Variants in GPHN observed in about 807,000 individuals in gnomAD.
GPHN encodes gephyrin.
A neutral mutation model predicts 95.5 loss-of-function variants in GPHN; 17 were observed. The ratio of observed to expected loss-of-function variants is 0.18; its 90% confidence interval spans 0.12 to 0.27. The LOEUF (loss-of-function observed/expected upper bound fraction) is 0.27. Ranked by LOEUF, GPHN falls within the 10% of genes least tolerant of loss-of-function variation. GPHN has a pLI of 1.00. For synonymous variants in GPHN, 320 were observed against 322.5 expected (o/e 0.99, Z 0.08); for missense variants, 660 against 978.1 (o/e 0.67, Z 4.34).
chr14:67,459,730 G>A, the GPHN span, among the ~76,000 whole-genome samples: 4 of 152,178 alleles, frequency 2.6e-5, no homozygotes, highest in Admixed American at 6.5e-5. Flanking sequence ...TCACATAGGC[G>A]CTCAATAAAC....
chr14:67,324,330 T>C, the GPHN span, among the ~76,000 whole-genome samples: 1 of 152,154 alleles, frequency 6.6e-6, no homozygotes, highest in African/African-American at 2.4e-5. Context: ...ACTGATAACA[T>C]GTTATTAATA....
At chr14:66,579,515 G>T (rs1252352580) in intron 1 of GPHN, among the ~76,000 whole-genome samples, 1 of 151,558 alleles carries the variant, frequency 6.6e-6, no homozygotes, top group Non-Finnish European at 1.5e-5. Flanking sequence ...AATGGGAAAA[G>T]ATAGTCTATG....
chr14:66,585,431 C>T (rs2061380383), intron 1 of GPHN, among the ~76,000 whole-genome samples: 2 of 152,138 alleles, frequency 1.3e-5, no homozygotes, highest in Admixed American at 6.5e-5. Context: ...ATTCTGCTAG[C>T]GTTTGAATGT....
the GPHN span, chr14:67,228,372 AT>A: frequency 5.0e-4 from 250 of 500,668 alleles, no homozygotes; most frequent in African/African-American, 5.0e-3. Flanking sequence ...AACACTAAAA[AT>A]ATTCTCTATT....
intron 1 of GPHN, among the ~76,000 whole-genome samples, chr14:66,612,304 T>A (rs968793609): frequency 2.6e-5 from 4 of 151,984 alleles, no homozygotes; most frequent in Admixed American, 1.3e-4. Context: ...TATTTATTTA[T>A]TGCCCTCAAA....
intron 6 of GPHN, among the ~76,000 whole-genome samples, chr14:66,921,407 G>T (rs2066208411): frequency 6.8e-6 from 1 of 147,486 alleles, no homozygotes; most frequent in Non-Finnish European, 1.5e-5. Context: ...TTTGAGAATT[G>T]TCTGTTCATG....
intron 11 of GPHN, among the ~76,000 whole-genome samples, chr14:67,076,479 A>C (rs1378709221): frequency 6.6e-6 from 1 of 152,134 alleles, no homozygotes; most frequent in East Asian, 1.9e-4. Context: ...AATGATGTAG[A>C]GACTCAAATC....
the GPHN span, among the ~76,000 whole-genome samples, chr14:67,439,545 CTTTCTTTCTTTCTTTCTTTCTT>C: frequency 1.4e-3 from 195 of 137,994 alleles, 2 homozygotes; most frequent in South Asian, 3.3e-3. Flanking sequence ...TTCTTTCTTT[CTTTCTTTCTTTCTTTCTTTCTT>C]TCTTTCTTTC....
chr14:67,431,985 A>G, the GPHN span, among the ~76,000 whole-genome samples: 2 of 152,160 alleles, frequency 1.3e-5, no homozygotes, highest in African/African-American at 4.8e-5. Flanking sequence ...CACAGTGATT[A>G]CCCTTAAATT....
intron 12 of GPHN, among the ~76,000 whole-genome samples, chr14:67,091,671 A>G (rs143024934): frequency 0.012 from 1,822 of 151,768 alleles, 19 homozygotes; most frequent in Non-Finnish European, 0.018. Context: ...TTTTTACATG[A>G]GCTAGCAGCA....
chr14:67,464,230 G>GGAT, the GPHN span, among the ~76,000 whole-genome samples: 1 of 152,132 alleles, frequency 6.6e-6, no homozygotes, highest in African/African-American at 2.4e-5. Context: ...TTCCAGTCCC[G>GGAT]CTGACCGCAA....
the GPHN span, among the ~76,000 whole-genome samples, chr14:67,355,176 G>T: frequency 6.6e-6 from 1 of 151,902 alleles, no homozygotes; most frequent in Non-Finnish European, 1.5e-5. Flanking sequence ...AACATGTTTT[G>T]ATATCATCAA....
intron 1 of GPHN, among the ~76,000 whole-genome samples, chr14:66,621,014 G>T: frequency 6.6e-6 from 1 of 152,248 alleles, no homozygotes; most frequent in East Asian, 1.9e-4. Flanking sequence ...GCCCAGGCTG[G>T]AGTGCACTGG....
At chr14:67,115,224 T>G (rs115539168) in intron 16 of GPHN, among the ~76,000 whole-genome samples, 1 of 152,056 alleles carries the variant, frequency 6.6e-6, no homozygotes, top group African/African-American at 2.4e-5. Flanking sequence ...GCCAGGCACT[T>G]TACTGGAAAT....
chr14:67,121,375 C>T (rs998625962), intron 16 of GPHN, among the ~76,000 whole-genome samples: 4 of 152,038 alleles, frequency 2.6e-5, no homozygotes, highest in African/African-American at 9.7e-5. Context: ...GATCCTTTGA[C>T]GTCATATGTC....
At chr14:66,979,727 A>G (rs894735834) in intron 9 of GPHN, among the ~76,000 whole-genome samples, 8 of 151,956 alleles carry the variant, frequency 5.3e-5, no homozygotes, top group Admixed American at 1.3e-4. Flanking sequence ...TGCATTTACA[A>G]CTCAGCTGTT....
At chr14:66,892,979 T>G (rs563414920) in intron 5 of GPHN, among the ~76,000 whole-genome samples, 25 of 152,246 alleles carry the variant, frequency 1.6e-4, no homozygotes, top group Non-Finnish European at 3.1e-4. Context: ...CTTGAAACAT[T>G]TCTGCAGTGT....
At chr14:67,722,546 G>A in the GPHN span, 1 of 986,060 alleles carries the variant, frequency 1.0e-6, no homozygotes, top group Non-Finnish European at 1.6e-6. Context: ...AGCAGCAGAA[G>A]CAGCCAAGAG....
At chr14:66,870,608 T>C (rs1016985515) in intron 4 of GPHN, among the ~76,000 whole-genome samples, 4 of 152,126 alleles carry the variant, frequency 2.6e-5, no homozygotes, top group African/African-American at 9.7e-5. Context: ...CTTACCCAAA[T>C]ACATAAATAC....
Sources: gnomAD v4.1 joint callset for allele counts (sites outside exome capture counted in the v4.1 genomes callset) on GRCh38, gnomAD v4.1.1 for gene constraint, MANE v1.5 for transcripts, NCBI Gene and HGNC (gene_info 2026-07-23, HGNC 2026-07-21) for gene names.